The following STAU2 variants were observed in gnomAD, a reference collection of about 807,000 sequenced individuals.
STAU2 encodes the protein staufen double-stranded RNA binding protein 2.
A neutral mutation model predicts 65.9 loss-of-function variants in STAU2; 20 were observed. That is an observed-to-expected ratio of 0.30 (90% confidence interval 0.21 to 0.44). The LOEUF (loss-of-function observed/expected upper bound fraction) is 0.44, where lower values mean the gene tolerates loss of function less well. STAU2 is among the 20% of genes least tolerant of loss of function. The pLI is 1.00. For synonymous variants in STAU2, 232 were observed against 233.9 expected (o/e 0.99, Z 0.07); for missense variants, 558 against 683.9 (o/e 0.82, Z 2.05).
chr8:73,679,893 A>C (rs1818286665), intron 5 of STAU2, among the ~76,000 whole-genome samples: 1 of 151,398 alleles, frequency 6.6e-6, no homozygotes, highest in Admixed American at 6.6e-5. Context: ...CACCTAAAAA[A>C]AAAAACAAAA....
At chr8:73,686,548 CA>C (rs111707785) in intron 5 of STAU2, among the ~76,000 whole-genome samples, 2,213 of 97,810 alleles carry the variant, frequency 0.023, 57 homozygotes, top group African/African-American at 0.072. Flanking sequence ...GACTCCCCCT[CA>C]AAAAAAAAAA....
chr8:73,593,238 C>T (rs1016627588), intron 11 of STAU2, among the ~76,000 whole-genome samples: 4 of 152,208 alleles, frequency 2.6e-5, no homozygotes, highest in Non-Finnish European at 4.4e-5. Context: ...AATCCATGCT[C>T]CCCATTACTT....
chr8:73,646,575 G>C (rs1453495069), intron 6 of STAU2, among the ~76,000 whole-genome samples: 1 of 152,102 alleles, frequency 6.6e-6, no homozygotes, highest in Admixed American at 6.6e-5. Context: ...CTGATAAAAA[G>C]AAGCTAATTC....
chr8:73,615,096 T>C (rs1812735868), intron 8 of STAU2, among the ~76,000 whole-genome samples: 1 of 152,176 alleles, frequency 6.6e-6, no homozygotes, highest in Admixed American at 6.5e-5. Flanking sequence ...AGACATGAGT[T>C]GTAAAATTAG....
At chr8:73,741,896 C>A (rs926096350) in intron 1 of STAU2, among the ~76,000 whole-genome samples, 1 of 152,160 alleles carries the variant, frequency 6.6e-6, no homozygotes, top group East Asian at 1.9e-4. Context: ...ATTAACCATA[C>A]GATTTAAATA....
intron 4 of STAU2, among the ~76,000 whole-genome samples, chr8:73,697,828 C>T (rs1360526266): frequency 6.6e-6 from 1 of 152,028 alleles, no homozygotes; most frequent in East Asian, 1.9e-4. Flanking sequence ...ACTTGTAATC[C>T]CAGTACTTTG....
At chr8:73,624,830 T>C (rs1813521149) in intron 6 of STAU2, among the ~76,000 whole-genome samples, 1 of 152,222 alleles carries the variant, frequency 6.6e-6, no homozygotes, top group African/African-American at 2.4e-5. Flanking sequence ...TCTGAAGATC[T>C]CTGTACGCCA....
chr8:73,547,918 C>A (rs567140930), intron 13 of STAU2, among the ~76,000 whole-genome samples: 36 of 151,514 alleles, frequency 2.4e-4, no homozygotes, highest in African/African-American at 4.4e-4. Flanking sequence ...TGAAAAAAAA[C>A]CACAAAAAAG....
At chr8:73,664,386 A>C (rs1360571873) in intron 6 of STAU2, among the ~76,000 whole-genome samples, 1 of 152,202 alleles carries the variant, frequency 6.6e-6, no homozygotes, top group African/African-American at 2.4e-5. Context: ...CTGATCTTAC[A>C]AGTATTCAGT....
At chr8:73,600,669 T>C (rs934565248) in intron 10 of STAU2, among the ~76,000 whole-genome samples, 3 of 152,224 alleles carry the variant, frequency 2.0e-5, no homozygotes, top group Non-Finnish European at 4.4e-5. Context: ...CTTCCTCTAC[T>C]GCTCTGAGGC....
chr8:73,599,569 A>C (rs1296381962), intron 10 of STAU2, among the ~76,000 whole-genome samples: 1 of 152,238 alleles, frequency 6.6e-6, no homozygotes, highest in East Asian at 1.9e-4. Context: ...CAATGACAAC[A>C]AAATTCAGTT....
chr8:73,472,268 T>C (rs143658817), intron 13 of STAU2, among the ~76,000 whole-genome samples: 2 of 152,284 alleles, frequency 1.3e-5, no homozygotes, highest in Non-Finnish European at 2.9e-5. Context: ...GTGCCGCTAA[T>C]GGACTAATGA....
intron 13 of STAU2, among the ~76,000 whole-genome samples, chr8:73,495,701 CTATT>C (rs1821387081): frequency 2.5e-5 from 3 of 119,712 alleles, no homozygotes; most frequent in South Asian, 3.0e-4. Flanking sequence ...ATAGTTAACA[CTATT>C]TATTGGATTT....
intron 8 of STAU2, among the ~76,000 whole-genome samples, 177 bp downstream of exon 8, chr8:73,615,498 G>T (rs1391147782): frequency 6.6e-6 from 1 of 152,134 alleles, no homozygotes; most frequent in African/African-American, 2.4e-5. Context: ...GAAGGAATCT[G>T]TGTTATCATC....
intron 5 of STAU2, among the ~76,000 whole-genome samples, chr8:73,679,791 G>A (rs1177125041): frequency 1.3e-5 from 2 of 151,414 alleles, no homozygotes; most frequent in Admixed American, 6.6e-5. Context: ...GGGAGGCTGA[G>A]GCAGGAGAAT....
chr8:73,526,210 T>G (rs1291377366), intron 13 of STAU2, among the ~76,000 whole-genome samples: 1 of 152,210 alleles, frequency 6.6e-6, no homozygotes, highest in Admixed American at 6.5e-5. Flanking sequence ...AACTCCTTCA[T>G]TTAACATAAC....
chr8:73,473,867 G>C (rs1820174423), intron 13 of STAU2, among the ~76,000 whole-genome samples: 1 of 152,212 alleles, frequency 6.6e-6, no homozygotes, highest in African/African-American at 2.4e-5. Flanking sequence ...GAGGAGTGAA[G>C]AGGAACATTG....
intron 13 of STAU2, among the ~76,000 whole-genome samples, chr8:73,500,681 G>A (rs555045889): frequency 1.1e-4 from 16 of 151,900 alleles, no homozygotes; most frequent in Admixed American, 2.6e-4. Context: ...GAATATGACC[G>A]TGATAAAATT....
At chr8:73,723,174 A>T (rs752121439) in intron 3 of STAU2, among the ~76,000 whole-genome samples, 1 of 152,082 alleles carries the variant, frequency 6.6e-6, no homozygotes, top group Non-Finnish European at 1.5e-5. Context: ...CAATCTAGAG[A>T]AGCCAATTAA....
Sources: allele counts gnomAD v4.1 joint callset (sites outside exome capture counted in the v4.1 genomes callset), GRCh38; gene constraint gnomAD v4.1.1; transcripts MANE v1.5; gene names NCBI Gene and HGNC (gene_info 2026-07-23, HGNC 2026-07-21).